XAF1: variants seen among roughly 807,000 people sequenced by gnomAD.
XAF1 encodes the protein XIAP associated factor 1.
In XAF1, 32 loss-of-function variants were observed where a neutral mutation model predicts 32.3. The ratio of observed to expected loss-of-function variants is 0.99; its 90% CI spans 0.75 to 1.33. The LOEUF (loss-of-function observed/expected upper bound fraction) is 1.33. Among genes scored for constraint, XAF1 ranks in the 40% most tolerant of loss-of-function variants. XAF1 has a pLI of 0.00. For synonymous variants in XAF1, 120 were observed against 125.9 expected (o/e 0.95, Z 0.31); for missense variants, 379 against 366.0 (o/e 1.04, Z -0.29).
chr17:6,761,588 C>T, intron 4 of XAF1: 1 of 288,360 alleles, frequency 3.5e-6, no homozygotes, highest in Non-Finnish European at 6.8e-6. Context: ...TAACCTTCTC[C>T]TGATAAACAA....
At chr17:6,769,261 A>G (rs1975840289) in intron 5 of XAF1, among the ~76,000 whole-genome samples, 1 of 152,002 alleles carries the variant, frequency 6.6e-6, no homozygotes, top group African/African-American at 2.4e-5. Flanking sequence ...AGTTCAATTT[A>G]TCTTTCTTTC....
intron 6 of XAF1, 79 bp from the exon 7 acceptor site, chr17:6,773,034 C>G: frequency 7.9e-7 from 1 of 1,259,734 alleles, no homozygotes; most frequent in East Asian, 2.4e-5. Flanking sequence ...TAACAAGGGA[C>G]AGCAATATCC....
chr17:6,759,912 G>A (rs1975045031), intron 3 of XAF1, 194 bp downstream of exon 3: 6 of 953,658 alleles, frequency 6.3e-6, no homozygotes, highest in East Asian at 5.2e-5. Context: ...CTGATCAGAA[G>A]GGTTTTCCAT....
intron 5 of XAF1, among the ~76,000 whole-genome samples, chr17:6,766,696 G>T (rs969341351): frequency 6.6e-6 from 1 of 152,090 alleles, no homozygotes; most frequent in African/African-American, 2.4e-5. Context: ...GTTTTACCTG[G>T]ACTTAATAAT....
intron 5 of XAF1, among the ~76,000 whole-genome samples, chr17:6,769,445 A>C (rs1202717529): frequency 1.3e-5 from 2 of 152,168 alleles, no homozygotes; most frequent in Non-Finnish European, 2.9e-5. Context: ...AAAATTTCAA[A>C]TTTACCTGTT....
In XAF1 at chr17:6,758,086, T is replaced by G; in HGVS notation, c.33-3T>G. The G allele has an allele frequency of 6.2e-7, 1 of 1,614,194 alleles. No homozygotes were observed. The highest frequency in any genetic ancestry group is 8.5e-7 in the Non-Finnish European group (1 of 1,180,024). The stretch of plus-strand genomic sequence containing the variant: ...TTTCTATCCCCACACCTTGACCCTG[T>G]AGTAAAAGACATGTAGTCTCTGCCA... On this transcript the variant is annotated splice_polypyrimidine_tract_variant and splice_region_variant and intron_variant, in intron 1 of 6. Transcript: ENST00000361842.
At position 6,773,247 on chromosome 17, in the gene XAF1, G is replaced by A; in HGVS notation, c.*78G>A. 7.3e-7 allele frequency: 1 copy of A among 1,378,698 alleles called. No individual in the cohort carries two copies. Among genetic ancestry groups the A allele is most frequent in the Non-Finnish European group, 9.9e-7 (1 of 1,008,044 alleles). 85.4% of individuals were successfully genotyped at this position (1,378,698 alleles called of 1,614,324 possible). A position where few individuals can be genotyped will look rare whatever the true frequency, so the allele number is the denominator to read the frequency against. On this transcript the variant is annotated 3_prime_UTR_variant, in exon 7 of 7. Transcript: ENST00000361842. ...GCATTCCTGCCTACTTGCTGTGGTG[G>A]TCTTGTGAAAGGTGATGGGTTTTAT...
Position 6,760,396 on chromosome 17 carries a change from C to T in XAF1, c.226-10C>T, listed in dbSNP as rs752163341. ...GCCAGTGATCATGCCCTTCCTGCTG[C>T]CTCCCACAGGCCAATGAGTGCCAGG... On this transcript the variant is annotated splice_polypyrimidine_tract_variant and intron_variant, in intron 3 of 6. Transcript: ENST00000361842. 4.7e-5 allele frequency: 76 copies of T among 1,605,378 alleles called. 3 individuals are homozygous for T. In the South Asian group the frequency reaches 8.2e-4, roughly 17 times the overall value.
chr17:6,756,056 C>CGAAAGCCTGCAGAGAGCA lies in XAF1; in HGVS notation c.-19_-2dup. On this transcript the variant is annotated 5_prime_UTR_variant, in exon 1 of 7. Coordinates refer to ENST00000361842, the MANE Select transcript of XAF1 (RefSeq NM_017523.5). ...TTGCCTGCAAGAAACGAAACTCAAC[C>CGAAAGCCTGCAGAGAGCA]GAAAGCCTGCAGAGAGCAGAACATG... The CGAAAGCCTGCAGAGAGCA allele has an allele frequency of 2.5e-6, 4 of 1,613,652 alleles. No homozygotes were observed.
At position 6,758,136 on chromosome 17, in the gene XAF1, G is replaced by C. The variant is rs200500047; in HGVS notation, c.80G>C (p.Cys27Ser). 1.2e-6 allele frequency: 2 copies of C among 1,614,240 alleles called. No individual in the cohort carries two copies. The highest frequency in any genetic ancestry group is 2.2e-5 in the East Asian group (1 of 44,892). ...AACTTCACCCTCCATGAGGCTTACT[G>C]CCTGCGGTTCCTGGTCCTGTGTCCG... ...SANFTLHEAY[C>S]LRFLVLCPEC... The change falls in exon 2 of 7, where the codon TGC becomes TCC. Residue 27 changes from cysteine (C) to serine (S), a missense_variant. Coordinates refer to ENST00000361842, the MANE Select transcript of XAF1 (RefSeq NM_017523.5).
rs1316079257 is a variant in XAF1 at position 6,773,227 on chromosome 17, C to A, written c.*58C>A. 2.7e-6 allele frequency: 4 copies of A among 1,465,188 alleles called. No individual in the cohort carries two copies. The highest frequency in any genetic ancestry group is 2.8e-6 in the Non-Finnish European group (3 of 1,072,342). The allele number at this position is 1,465,188 out of a possible 1,614,324, so 90.8% of individuals were successfully genotyped here. On this transcript the variant is annotated 3_prime_UTR_variant, in exon 7 of 7. Transcript: ENST00000361842. ...AGATTTCACTTTTAACACTGGCATT[C>A]CTGCCTACTTGCTGTGGTGGTCTTG...
chr17:6,761,823 A>G, intron 4 of XAF1: 1 of 1,346,806 alleles, frequency 7.4e-7, no homozygotes, highest in Non-Finnish European at 9.7e-7. Flanking sequence ...TGGTGCAATG[A>G]AAGAGCACAG....
At chr17:6,758,057 T>C (rs190381151) in intron 1 of XAF1, 32 bp from the exon 2 acceptor site, 27 of 1,613,590 alleles carry the variant, frequency 1.7e-5, no homozygotes, top group Middle Eastern at 3.3e-4. Context: ...AAAATAAGTC[T>C]ATTTTTCTAT....
At chr17:6,771,088 G>C (rs1453673545) in intron 6 of XAF1, 104 bp downstream of exon 6, 2 of 1,327,194 alleles carry the variant, frequency 1.5e-6, no homozygotes. Context: ...TGGCTGAAAA[G>C]GCCGTTTTCT....
chr17:6,756,191 G>A (rs1187032631), intron 1 of XAF1, 81 bp downstream of exon 1: 12 of 1,609,420 alleles, frequency 7.5e-6, no homozygotes, highest in Non-Finnish European at 8.5e-6. Flanking sequence ...TCTGAAGGGA[G>A]CAGAAAGTGG....
chr17:6,771,838 C>T (rs538206458), intron 6 of XAF1: 1 of 152,260 alleles, frequency 6.6e-6, no homozygotes, highest in Admixed American at 6.5e-5. Context: ...ACCCTAATTC[C>T]CCAACCCCAT....
At chr17:6,768,542 C>A (rs1021551610) in intron 5 of XAF1, among the ~76,000 whole-genome samples, 3 of 152,176 alleles carry the variant, frequency 2.0e-5, no homozygotes, top group African/African-American at 7.2e-5. Flanking sequence ...TCACCAAGAA[C>A]CTTGAGTAGT....
chr17:6,767,280 A>G (rs1284028858), intron 5 of XAF1, among the ~76,000 whole-genome samples: 2 of 152,226 alleles, frequency 1.3e-5, no homozygotes, highest in African/African-American at 4.8e-5. Flanking sequence ...TCATGTATTT[A>G]CTCCCCAGAT....
intron 1 of XAF1, 145 bp downstream of exon 1, chr17:6,756,255 G>C: frequency 1.4e-6 from 2 of 1,459,864 alleles, no homozygotes; most frequent in South Asian, 2.5e-5. Context: ...TGGGCCCCAA[G>C]GGTAGGAGGG....
Sources: allele counts gnomAD v4.1 joint callset (sites outside exome capture counted in the v4.1 genomes callset), GRCh38; gene constraint gnomAD v4.1.1; transcripts MANE v1.5; gene names NCBI Gene and HGNC (gene_info 2026-07-23, HGNC 2026-07-21).